VPS8: variants seen among roughly 807,000 people sequenced by gnomAD.
The protein encoded by VPS8 is vacuolar protein sorting-associated protein 8 homolog.
VPS8 carries 129 observed loss-of-function variants against 216.4 expected under a neutral mutation model. That is an observed-to-expected ratio of 0.60 (90% CI 0.52 to 0.69). The LOEUF is 0.69. Ranked by LOEUF, VPS8 falls within the 30% of genes least tolerant of loss-of-function variation. The pLI is 0.00. For synonymous variants in VPS8, 571 were observed against 565.4 expected (o/e 1.01, Z -0.14); for missense variants, 1,531 against 1,683.5 (o/e 0.91, Z 1.59).
intron 37 of VPS8, among the ~76,000 whole-genome samples, chr3:184,961,720 C>A (rs1308111304): frequency 1.3e-4 from 1 of 7,592 alleles, no homozygotes; most frequent in Non-Finnish European, 3.0e-4. Flanking sequence ...TTATAAGTTG[C>A]CTTTTTTTTT....
rs944549048 is a variant in VPS8, at chr3:184,913,640, T to C, written c.2189+79T>C. 1.2e-5 allele frequency: 14 copies of C among 1,195,066 alleles called. No individual in the cohort carries two copies. The African/African-American group carries it at 2.0e-4, about 17-fold the overall frequency. 74.0% of individuals were successfully genotyped at this position (1,195,066 alleles called of 1,614,324 possible). ...ATATTTTTAGAGATACTATGATCTC[T>C]TATCTATATAGTACTTTTAATTTTG... On this transcript the variant is annotated intron_variant, in intron 26 of 47. Coordinates refer to ENST00000625842, the MANE Select transcript of VPS8 (RefSeq NM_001009921.3).
At chr3:184,989,692 A>G (rs2109818018) in intron 42 of VPS8, among the ~76,000 whole-genome samples, 1 of 152,288 alleles carries the variant, frequency 6.6e-6, no homozygotes, top group African/African-American at 2.4e-5. Flanking sequence ...GGATTTTTGC[A>G]TCTCTGTTCA....
At chr3:184,999,651 T>G (rs1004802056) in intron 44 of VPS8, 45 bp from the exon 45 acceptor site, 32 of 1,556,752 alleles carry the variant, frequency 2.1e-5, no homozygotes, top group Non-Finnish European at 2.7e-5. Flanking sequence ...TATTTATGGA[T>G]TTTGTGATAA....
At chr3:184,923,463 G>C (rs933820490) in intron 29 of VPS8, among the ~76,000 whole-genome samples, 1 of 151,908 alleles carries the variant, frequency 6.6e-6, no homozygotes, top group Non-Finnish European at 1.5e-5. Flanking sequence ...CTCTCCCTTA[G>C]ACTCCTGCAG....
chr3:184,886,178 C>A, intron 22 of VPS8, 22 bp downstream of exon 22: 1 of 1,598,218 alleles, frequency 6.3e-7, no homozygotes, highest in Non-Finnish European at 8.5e-7. Context: ...TTGCCTGTCA[C>A]ATTCAATTAT....
intron 44 of VPS8, among the ~76,000 whole-genome samples, chr3:184,998,657 G>C (rs1171079415): frequency 3.3e-5 from 5 of 151,982 alleles, no homozygotes; most frequent in African/African-American, 1.2e-4. Flanking sequence ...AGATAAATCA[G>C]TGTAGATGGC....
rs1438684016 is a variant in VPS8 at position 184,816,280 on chromosome 3, TA to T, written c.-89+4056del. On this transcript the variant is annotated intron_variant, in intron 1 of 47. Coordinates refer to ENST00000625842, the MANE Select transcript of VPS8 (RefSeq NM_001009921.3). Reference sequence around the variant, plus strand: ...CATATTATTGTTTTGTATATTGTGATAGGGGATTAGATTTTTCTTTTCTAGG... The same window carrying T: ...CATATTATTGTTTTGTATATTGTGATGGGGATTAGATTTTTCTTTTCTAGG... The T allele has an allele frequency of 1.3e-5, 2 of 152,378 alleles. 1 individual carries two copies. The highest frequency in any genetic ancestry group is 3.9e-4 in the East Asian group (2 of 5,190). 9.4% of individuals were successfully genotyped at this position (152,378 alleles called of 1,614,324 possible).
intron 28 of VPS8, 36 bp downstream of exon 28, chr3:184,915,510 AAGAC>A (rs1269037332): frequency 6.3e-7 from 1 of 1,597,778 alleles, no homozygotes; most frequent in Non-Finnish European, 8.5e-7. Context: ...GTTTTCAAAG[AAGAC>A]AGAGCAATAA....
chr3:184,854,328 G>A (rs180687356), intron 13 of VPS8, among the ~76,000 whole-genome samples, 155 bp downstream of exon 13: 2 of 152,278 alleles, frequency 1.3e-5, no homozygotes, highest in East Asian at 3.9e-4. Context: ...TTGCCTTAAG[G>A]TGATCAAAGC....
chr3:184,902,462 G>A (rs1734712947), intron 25 of VPS8, among the ~76,000 whole-genome samples: 1 of 151,182 alleles, frequency 6.6e-6, no homozygotes, highest in East Asian at 2.0e-4. Context: ...CAGCTTGGGC[G>A]ACAGAGCAAG....
intron 36 of VPS8, among the ~76,000 whole-genome samples, chr3:184,942,411 G>A (rs1054987711): frequency 2.0e-5 from 3 of 152,088 alleles, no homozygotes; most frequent in Non-Finnish European, 2.9e-5. Flanking sequence ...CAATTCAGGC[G>A]CAAGGTCCTT....
intron 15 of VPS8, among the ~76,000 whole-genome samples, chr3:184,861,762 T>A (rs1260192662): frequency 6.6e-6 from 1 of 152,210 alleles, no homozygotes; most frequent in Admixed American, 6.5e-5. Flanking sequence ...ATTACTAAAC[T>A]TATTGAGGTT....
chr3:184,958,991 CT>C (rs1746061850), intron 37 of VPS8, among the ~76,000 whole-genome samples: 1 of 152,190 alleles, frequency 6.6e-6, no homozygotes, highest in South Asian at 2.1e-4. Context: ...AAAATCTCCT[CT>C]GCTGAAACTT....
Position 184,835,303 on chromosome 3 carries a change from G to A in VPS8, c.447+561G>A, listed in dbSNP as rs564868512. On this transcript the variant is annotated intron_variant, in intron 5 of 47. Transcript: ENST00000625842. ...GATCATTCTGTTAGGAGGTAGCAAGGCATTTATTCAAAATTGGGGTTTCTG... is the reference window on the plus strand; with the variant it reads ...GATCATTCTGTTAGGAGGTAGCAAGACATTTATTCAAAATTGGGGTTTCTG... 3.3e-5 allele frequency among the ~76,000 whole-genome samples: 5 copies of A among 152,246 alleles called. No homozygotes were observed. In the South Asian group the frequency reaches 1.0e-3, roughly 32 times the overall value.
chr3:185,040,465 G>A (rs2108502831), intron 46 of VPS8, among the ~76,000 whole-genome samples: 3 of 152,204 alleles, frequency 2.0e-5, no homozygotes, highest in Middle Eastern at 6.8e-3. Context: ...AGACTTTCCA[G>A]TCCTTCATGT....
chr3:184,917,866 C>A (rs990557976), intron 28 of VPS8, among the ~76,000 whole-genome samples: 2 of 152,170 alleles, frequency 1.3e-5, no homozygotes, highest in African/African-American at 4.8e-5. Flanking sequence ...TCATAAACAA[C>A]AGAAATGTAT....
At chr3:184,988,389 C>T (rs1751429099) in intron 42 of VPS8, among the ~76,000 whole-genome samples, 1 of 152,178 alleles carries the variant, frequency 6.6e-6, no homozygotes, top group Non-Finnish European at 1.5e-5. Context: ...TGTGAATATA[C>T]ACAGTTGGAA....
At chr3:185,005,528 T>C (rs2109954981) in intron 45 of VPS8, among the ~76,000 whole-genome samples, 1 of 152,328 alleles carries the variant, frequency 6.6e-6, no homozygotes, top group Non-Finnish European at 1.5e-5. Flanking sequence ...TTCCATTTGT[T>C]TGTGTCATCT....
In VPS8 at chr3:185,052,362, A is replaced by G. The variant is rs1026317670; in HGVS notation, c.*337A>G. The G allele has an allele frequency of 8.6e-5, 17 of 197,168 alleles. No homozygotes were observed. Among genetic ancestry groups the G allele is most frequent in the African/African-American group, 3.8e-4 (16 of 42,450 alleles). 12.2% of individuals were successfully genotyped at this position (197,168 alleles called of 1,614,324 possible). A position where few individuals can be genotyped will look rare whatever the true frequency, so the allele number is the denominator to read the frequency against. On this transcript the variant is annotated 3_prime_UTR_variant, in exon 48 of 48. Coordinates refer to ENST00000625842, the MANE Select transcript of VPS8 (RefSeq NM_001009921.3). ...CCCTGAAGCCTAGAAAGTAGGTGGA[A>G]CTCACACAAATGGCATTCCAGAGTC...
Sources: gnomAD v4.1 joint callset for allele counts (sites outside exome capture counted in the v4.1 genomes callset) on GRCh38, gnomAD v4.1.1 for gene constraint, MANE v1.5 for transcripts, NCBI Gene and HGNC (gene_info 2026-07-23, HGNC 2026-07-21) for gene names.